Variants in WDR70 observed in about 807,000 individuals in gnomAD.
WDR70 encodes WD repeat-containing protein 70.
In WDR70, 53 loss-of-function variants were observed where a neutral mutation model predicts 88.6. That is an observed-to-expected ratio of 0.60 (90% CI 0.48 to 0.75). The LOEUF (loss-of-function observed/expected upper bound fraction) is 0.75. Among genes scored for constraint, WDR70 ranks in the 30% least tolerant of loss-of-function variants. The pLI is 0.00. For synonymous variants in WDR70, 280 were observed against 270.0 expected, an observed-to-expected ratio of 1.04 and a Z score of -0.36; for missense variants, 610 against 823.2, an observed-to-expected ratio of 0.74 and a Z score of 3.17.
chr5:37,428,739 C>T (rs564110646), intron 5 of WDR70, among the ~76,000 whole-genome samples: 1 of 152,060 alleles, frequency 6.6e-6, no homozygotes, highest in Non-Finnish European at 1.5e-5. Context: ...TTGTACAGGT[C>T]TTTTTGTAGA....
chr5:37,566,872 G>C (rs1000421799), intron 9 of WDR70, among the ~76,000 whole-genome samples: 1 of 152,122 alleles, frequency 6.6e-6, no homozygotes, highest in African/African-American at 2.4e-5. Flanking sequence ...AGTTCACCAG[G>C]GATTTAGTTC....
chr5:37,410,838 A>C (rs1246834927), intron 5 of WDR70, among the ~76,000 whole-genome samples: 2 of 152,254 alleles, frequency 1.3e-5, no homozygotes, highest in Non-Finnish European at 2.9e-5. Context: ...AAATGTGAGC[A>C]TAGAACTGTA....
chr5:37,693,507 A>G (rs1581503422), intron 10 of WDR70, among the ~76,000 whole-genome samples: 1 of 152,334 alleles, frequency 6.6e-6, no homozygotes, highest in South Asian at 2.1e-4. Flanking sequence ...TGGTACCAAA[A>G]CAGATATATA....
At chr5:37,432,806 G>T (rs1336119094) in intron 5 of WDR70, among the ~76,000 whole-genome samples, 1 of 151,854 alleles carries the variant, frequency 6.6e-6, no homozygotes, top group Admixed American at 6.6e-5. Flanking sequence ...CTCGTGATCT[G>T]CCTGCCTTGG....
At chr5:37,496,334 G>A (rs1031003576) in intron 8 of WDR70, among the ~76,000 whole-genome samples, 4 of 152,120 alleles carry the variant, frequency 2.6e-5, no homozygotes, top group Non-Finnish European at 4.4e-5. Flanking sequence ...CTCTGGGTCC[G>A]CACTACCTTT....
chr5:37,409,507 T>G (rs1445782326), intron 5 of WDR70, among the ~76,000 whole-genome samples: 1 of 146,074 alleles, frequency 6.8e-6, no homozygotes, highest in Non-Finnish European at 1.5e-5. Context: ...TGGCCTTACT[T>G]TTTTTTTTTT....
intron 13 of WDR70, among the ~76,000 whole-genome samples, chr5:37,719,350 C>T (rs779577969): frequency 8.7e-6 from 1 of 115,376 alleles, no homozygotes; most frequent in Non-Finnish European, 1.8e-5. Flanking sequence ...GCAACAACAA[C>T]CCCCCCCCCA....
intron 7 of WDR70, among the ~76,000 whole-genome samples, chr5:37,451,841 G>A (rs1419365821): frequency 6.6e-5 from 10 of 151,946 alleles, no homozygotes; most frequent in Admixed American, 5.9e-4. Context: ...TAAAAATACA[G>A]AAATTAGCTG....
Position 37,698,955 on chromosome 5 carries a change from C to T in WDR70, c.1192+1201C>T, listed in dbSNP as rs1026676101. Reference sequence around the variant, plus strand: ...ATGTATTTTGGTCCATCAATTCTAACCTGCTACTTGAGTTCAGAGATGATT... The same window carrying T: ...ATGTATTTTGGTCCATCAATTCTAATCTGCTACTTGAGTTCAGAGATGATT... On this transcript the variant is annotated intron_variant, in intron 11 of 17. Transcript: ENST00000265107. Among the ~76,000 whole-genome samples, 3 of 152,146 alleles carry T rather than the reference C, an allele frequency of 2.0e-5. No homozygotes were observed. The East Asian group carries it at 5.8e-4, about 29-fold the overall frequency.
intron 10 of WDR70, among the ~76,000 whole-genome samples, chr5:37,649,218 A>AT (rs1371914811): frequency 6.6e-6 from 1 of 152,112 alleles, no homozygotes; most frequent in African/African-American, 2.4e-5. Context: ...AAAGTGGAAG[A>AT]TGGAAGTCTT....
At chr5:37,391,301 G>A (rs2111883131) in intron 3 of WDR70, among the ~76,000 whole-genome samples, 1 of 152,122 alleles carries the variant, frequency 6.6e-6, no homozygotes, top group South Asian at 2.1e-4. Flanking sequence ...CACATAAAAT[G>A]TACCATCTTA....
chr5:37,542,888 A>G (rs550608745), intron 9 of WDR70, among the ~76,000 whole-genome samples: 1 of 152,310 alleles, frequency 6.6e-6, no homozygotes, highest in South Asian at 2.1e-4. Flanking sequence ...TTGCAATGTG[A>G]CTTTGCAGCT....
chr5:37,423,562 G>T (rs143103043), intron 5 of WDR70, among the ~76,000 whole-genome samples: 22 of 126,474 alleles, frequency 1.7e-4, no homozygotes, highest in South Asian at 5.2e-4. Flanking sequence ...GTTTTTTTTT[G>T]TCTTTTTTTT....
intron 9 of WDR70, among the ~76,000 whole-genome samples, chr5:37,556,197 T>A (rs1742291227): frequency 6.6e-6 from 1 of 151,950 alleles, no homozygotes; most frequent in Admixed American, 6.6e-5. Context: ...TGCAGAGAAG[T>A]ATTTGAGAAA....
At chr5:37,526,082 G>C (rs570032089) in intron 9 of WDR70, among the ~76,000 whole-genome samples, 1 of 152,294 alleles carries the variant, frequency 6.6e-6, no homozygotes, top group African/African-American at 2.4e-5. Flanking sequence ...CATTCCTTCT[G>C]AAACCGTTCG....
At chr5:37,389,654 C>T (rs7724123) in intron 3 of WDR70, among the ~76,000 whole-genome samples, 41,065 of 152,044 alleles carry the variant, frequency 0.27, 7,475 homozygotes, top group African/African-American at 0.52. Context: ...CCTCGTGATC[C>T]GCCTGCCTGG....
At chr5:37,567,481 A>G (rs1208712380) in intron 9 of WDR70, among the ~76,000 whole-genome samples, 2 of 152,202 alleles carry the variant, frequency 1.3e-5, no homozygotes, top group African/African-American at 4.8e-5. Context: ...AAGAAGTGCT[A>G]ACAATATAAT....
chr5:37,641,891 A>C (rs536037963), intron 10 of WDR70, among the ~76,000 whole-genome samples: 1 of 152,170 alleles, frequency 6.6e-6, no homozygotes, highest in Non-Finnish European at 1.5e-5. Flanking sequence ...TATACCAACT[A>C]TTTTAGAAAG....
intron 14 of WDR70, 96 bp from the exon 15 acceptor site, chr5:37,722,759 A>G (rs1747859178): frequency 4.4e-6 from 5 of 1,127,084 alleles, no homozygotes; most frequent in African/African-American, 1.6e-5. Context: ...GAGTGCATGC[A>G]CAGAGTATGT....
Sources: gnomAD v4.1 joint callset for allele counts (sites outside exome capture counted in the v4.1 genomes callset) on GRCh38, gnomAD v4.1.1 for gene constraint, MANE v1.5 for transcripts, NCBI Gene and HGNC (gene_info 2026-07-23, HGNC 2026-07-21) for gene names.